The following RBBP4 variants were observed in gnomAD, a reference collection of about 807,000 sequenced individuals.
RBBP4 encodes histone-binding protein RBBP4.
A neutral mutation model predicts 57.2 loss-of-function variants in RBBP4; 3 were observed. The ratio of observed to expected loss-of-function variants is 0.05; its 90% CI spans 0.02 to 0.14. RBBP4 has a LOEUF of 0.14. RBBP4 is among the 10% of genes least tolerant of loss of function. The probability of loss-of-function intolerance (pLI) is 1.00; values close to 1 mark genes in which losing one functional copy is unlikely to be tolerated. For synonymous variants in RBBP4, 151 were observed against 171.5 expected (o/e 0.88, Z 0.93); for missense variants, 107 against 520.6 (o/e 0.21, Z 7.73).
intron 3 of RBBP4, 56 bp from the exon 4 acceptor site, chr1:32,668,169 G>T: frequency 6.6e-7 from 1 of 1,506,446 alleles, no homozygotes; most frequent in East Asian, 2.3e-5. Context: ...TTATACTCTG[G>T]GTAACCTCTA....
At chr1:32,668,188 C>T (rs78300749) in intron 3 of RBBP4, 37 bp from the exon 4 acceptor site, 1 of 1,581,256 alleles carries the variant, frequency 6.3e-7, no homozygotes, top group African/African-American at 1.4e-5. Flanking sequence ...TAGAGTAGCT[C>T]TTGTTTTGTC....
intron 3 of RBBP4, among the ~76,000 whole-genome samples, chr1:32,665,250 T>G (rs2148523805): frequency 6.6e-6 from 1 of 152,284 alleles, no homozygotes; most frequent in East Asian, 1.9e-4. Flanking sequence ...TATCTTGAAT[T>G]TTTATTTTTA....
At chr1:32,657,135 G>A (rs1310077923) in intron 2 of RBBP4, among the ~76,000 whole-genome samples, 1 of 152,090 alleles carries the variant, frequency 6.6e-6, no homozygotes, top group Non-Finnish European at 1.5e-5. Context: ...AATCAGCCAG[G>A]CATGGTGGCA....
At chr1:32,651,467 G>C in intron 1 of RBBP4, 145 bp downstream of exon 1, 3 of 1,367,618 alleles carry the variant, frequency 2.2e-6, no homozygotes, top group Non-Finnish European at 2.8e-6. Flanking sequence ...TCCCCGCGGG[G>C]CGTGCTAACG....
At chr1:32,651,400 G>A in intron 1 of RBBP4, 78 bp downstream of exon 1, 1 of 1,388,438 alleles carries the variant, frequency 7.2e-7, no homozygotes, top group African/African-American at 1.5e-5. Flanking sequence ...CTAACAGTGA[G>A]GGCAGGCCCG....
In RBBP4 at chr1:32,666,382, G is replaced by A. The variant is rs538956314; in HGVS notation, c.311-1843G>A. On this transcript the variant is annotated intron_variant, in intron 3 of 11. Transcript: ENST00000373493. The stretch of plus-strand genomic sequence containing the variant: ...ACTTTATTTTTTTTTTTTTTGAGAC[G>A]GAGTCTTGCTCTGTGACCCAGGCTG... Among the ~76,000 whole-genome samples the A allele has an allele frequency of 4.7e-5, 7 of 150,140 alleles. No homozygotes were observed. The East Asian group carries it at 1.2e-3, about 25-fold the overall frequency.
Position 32,678,384 on chromosome 1 carries a change from G to A in RBBP4, c.1213-1256G>A, listed in dbSNP as rs571507246. Among the ~76,000 whole-genome samples, 67 of 150,886 alleles carry A rather than the reference G, an allele frequency of 4.4e-4. No individual in the cohort carries two copies. The South Asian group carries it at 0.012, about 26-fold the overall frequency. ...TGGGATTACAGGCGCCTGTCACCAC[G>A]CCTGGCTAATTTTTATATTTTTAGT... On this transcript the variant is annotated intron_variant, in intron 11 of 11. Transcript: ENST00000373493.
chr1:32,677,029 T>C (rs1202244378), intron 11 of RBBP4, among the ~76,000 whole-genome samples: 2 of 152,212 alleles, frequency 1.3e-5, no homozygotes, highest in Non-Finnish European at 2.9e-5. Flanking sequence ...TATTTGGTGT[T>C]TTTAGCATTG....
chr1:32,678,786 C>T lies in RBBP4; in HGVS notation c.1213-854C>T, dbSNP rs1439121751. On this transcript the variant is annotated intron_variant, in intron 11 of 11. Transcript: ENST00000373493. ...TGTATTTGTAGTAGAGATGCAGTTT[C>T]GCCTTGTTGGTCAGGCTAGTCTCAA... is the stretch of plus-strand genomic sequence containing the variant. 2.0e-5 allele frequency among the ~76,000 whole-genome samples: 3 copies of T among 151,282 alleles called. No homozygotes were observed. In the East Asian group the frequency reaches 5.9e-4, roughly 30 times the overall value.
At chr1:32,652,913 G>A (rs901528021) in intron 2 of RBBP4, among the ~76,000 whole-genome samples, 3 of 152,312 alleles carry the variant, frequency 2.0e-5, no homozygotes, top group Admixed American at 6.5e-5. Context: ...ACATTGTCTA[G>A]TTGAAGTGGC....
chr1:32,674,663 C>T (rs2148530870), intron 11 of RBBP4, among the ~76,000 whole-genome samples: 1 of 151,870 alleles, frequency 6.6e-6, no homozygotes, highest in South Asian at 2.1e-4. Context: ...GTTTTTGACT[C>T]ATCATGAGGA....
intron 3 of RBBP4, among the ~76,000 whole-genome samples, chr1:32,665,317 T>C (rs895960443): frequency 6.6e-6 from 1 of 152,168 alleles, no homozygotes. Flanking sequence ...AAGTTGAAAG[T>C]TATCTAATAC....
intron 8 of RBBP4, among the ~76,000 whole-genome samples, 180 bp from the exon 9 acceptor site, chr1:32,672,270 C>G (rs1239061808): frequency 3.9e-5 from 6 of 152,156 alleles, no homozygotes; most frequent in Non-Finnish European, 5.9e-5. Flanking sequence ...AGGTGTGAGC[C>G]AACCGCGCCT....
chr1:32,660,427 T>TTTA (rs1553194486), intron 3 of RBBP4, among the ~76,000 whole-genome samples: 1 of 150,658 alleles, frequency 6.6e-6, no homozygotes, highest in East Asian at 1.9e-4. Flanking sequence ...TATTTATTTA[T>TTTA]TTTTTTTGAG....
intron 8 of RBBP4, among the ~76,000 whole-genome samples, chr1:32,671,541 C>T (rs1648875336): frequency 6.6e-6 from 1 of 151,942 alleles, no homozygotes; most frequent in Non-Finnish European, 1.5e-5. Flanking sequence ...TGAGATCACC[C>T]CACAAGAACA....
At position 32,682,609 on chromosome 1, in the gene RBBP4, A is replaced by C. The variant is rs1230476096; in HGVS notation, c.*2904A>C. ...AAGATGGTGAAACCCCGTTTCTACT[A>C]AAAATACAAAAACTAGCTGGCCGTG... On this transcript the variant is annotated 3_prime_UTR_variant, in exon 12 of 12. Coordinates refer to ENST00000373493, the MANE Select transcript of RBBP4 (RefSeq NM_005610.3). The C allele has an allele frequency of 6.6e-6, 1 of 151,748 alleles. No individual in the cohort carries two copies. Among genetic ancestry groups the C allele is most frequent in the African/African-American group, 2.4e-5 (1 of 41,228 alleles). The allele number at this position is 151,748 out of a possible 1,614,324, so 9.4% of individuals were successfully genotyped here. A position where few individuals can be genotyped will look rare whatever the true frequency, so the allele number is the denominator to read the frequency against.
intron 4 of RBBP4, 156 bp from the exon 5 acceptor site, chr1:32,668,583 C>T (rs748365850): frequency 3.6e-6 from 3 of 836,266 alleles, no homozygotes; most frequent in Non-Finnish European, 5.6e-6. Context: ...GAACAAAATA[C>T]TGGTGCTGTT....
chr1:32,679,983 T>A lies in RBBP4; in HGVS notation c.*278T>A. ...GAAAGGGGAATATTATGTGTGATTA[T>A]TTTTCTTCTTATGCTATATCCCCAA... On this transcript the variant is annotated 3_prime_UTR_variant, in exon 12 of 12. Transcript: ENST00000373493. 1 of 1,193,200 alleles carries A rather than the reference T, an allele frequency of 8.4e-7. No individual in the cohort carries two copies. Among genetic ancestry groups the A allele is most frequent in the Non-Finnish European group, 1.0e-6 (1 of 962,936 alleles). The allele number at this position is 1,193,200 out of a possible 1,614,324, so 73.9% of individuals were successfully genotyped here.
At position 32,681,612 on chromosome 1, in the gene RBBP4, GATCAGTAT is replaced by G; in HGVS notation, c.*1908_*1915del. 1.6e-6 allele frequency: 1 copy of G among 612,412 alleles called. No homozygotes were observed. Among genetic ancestry groups the G allele is most frequent in the South Asian group, 2.1e-5 (1 of 48,756 alleles). The allele number at this position is 612,412 out of a possible 1,614,324, so 37.9% of individuals were successfully genotyped here. ...ATCTTTCCTTTCCTTGGTGCATTGA[GATCAGTAT>G]CAACAGCAGATGAAATAGAATCCAG... On this transcript the variant is annotated 3_prime_UTR_variant, in exon 12 of 12. Coordinates refer to ENST00000373493, the MANE Select transcript of RBBP4 (RefSeq NM_005610.3).
Sources: allele counts gnomAD v4.1 joint callset (sites outside exome capture counted in the v4.1 genomes callset), GRCh38; gene constraint gnomAD v4.1.1; transcripts MANE v1.5; gene names NCBI Gene and HGNC (gene_info 2026-07-23, HGNC 2026-07-21).